Variants in TRAPPC9 observed in about 807,000 individuals in gnomAD.
The protein encoded by TRAPPC9 is trafficking protein particle complex subunit 9, also known as IKK2 binding protein.
Under a neutral mutation model 124.0 loss-of-function variants are expected in TRAPPC9, and 83 were observed. That is an observed-to-expected ratio of 0.67 (90% CI 0.56 to 0.80). The LOEUF is 0.80. TRAPPC9 is among the 30% of genes least tolerant of loss of function. TRAPPC9 has a pLI of 0.00. For missense variants in TRAPPC9, 1,302 were observed against 1,508.3 expected (o/e 0.86, Z 2.27); for synonymous variants, 638 against 617.5 (o/e 1.03, Z -0.49).
At chr8:140,084,471 C>T (rs1454520778) in intron 17 of TRAPPC9, among the ~76,000 whole-genome samples, 1 of 152,192 alleles carries the variant, frequency 6.6e-6, no homozygotes, top group Non-Finnish European at 1.5e-5. Context: ...TCAATAGTAG[C>T]CTATAGGATG....
intron 17 of TRAPPC9, among the ~76,000 whole-genome samples, chr8:140,047,453 G>GA (rs1301520811): frequency 1.3e-5 from 2 of 152,262 alleles, no homozygotes; most frequent in Non-Finnish European, 2.9e-5. Flanking sequence ...CCCACAGGGT[G>GA]AAAGGCGGGT....
chr8:140,179,679 A>G (rs1563822349), intron 17 of TRAPPC9, among the ~76,000 whole-genome samples: 1 of 152,098 alleles, frequency 6.6e-6, no homozygotes, highest in Non-Finnish European at 1.5e-5. Context: ...ATCTCCAACT[A>G]TAATTATGGA....
chr8:140,045,176 C>A (rs1447742502), intron 17 of TRAPPC9, among the ~76,000 whole-genome samples: 5 of 152,168 alleles, frequency 3.3e-5, no homozygotes, highest in African/African-American at 1.2e-4. Flanking sequence ...AGGTCAGACA[C>A]CAGTCCAGTA....
In TRAPPC9 at chr8:140,351,634, C is replaced by T. The variant is rs578001363; in HGVS notation, c.1495+8416G>A. 2.6e-5 allele frequency among the ~76,000 whole-genome samples: 4 copies of T among 152,224 alleles called. No homozygotes were observed. The South Asian group carries it at 8.3e-4, about 32-fold the overall frequency. On this transcript the variant is annotated intron_variant, in intron 9 of 22. Transcript: ENST00000438773. ...AAATAAAAATAAATAAATAAACAAA[C>T]TATATGGGAGGATGTGTATAAGTTA...
At chr8:140,458,383 C>T (rs748409138), upstream of TRAPPC9, 16 of 1,598,178 alleles carry the variant, frequency 1.0e-5, no homozygotes, top group East Asian at 2.7e-4. Flanking sequence ...CCCCCTGTGA[C>T]CCTCACGGTA....
intron 21 of TRAPPC9, among the ~76,000 whole-genome samples, chr8:139,744,685 A>T (rs959299868): frequency 6.6e-6 from 1 of 152,168 alleles, no homozygotes; most frequent in African/African-American, 2.4e-5. Flanking sequence ...TTTAACAGTT[A>T]CTGAGGGAGC....
intron 21 of TRAPPC9, among the ~76,000 whole-genome samples, chr8:139,791,141 C>T (rs937154411): frequency 6.6e-6 from 1 of 152,168 alleles, no homozygotes; most frequent in East Asian, 1.9e-4. Context: ...GGGGAGTGCA[C>T]AAGCCACGCT....
intron 21 of TRAPPC9, among the ~76,000 whole-genome samples, chr8:139,865,083 T>C (rs1587023404): frequency 6.6e-6 from 1 of 152,116 alleles, no homozygotes; most frequent in East Asian, 1.9e-4. Context: ...TTGCTGTGAT[T>C]AGGTGGCGGC....
chr8:140,027,104 T>C (rs937613764), intron 17 of TRAPPC9, among the ~76,000 whole-genome samples: 36 of 152,304 alleles, frequency 2.4e-4, no homozygotes, highest in Admixed American at 2.0e-3. Flanking sequence ...CTGACTTTCA[T>C]CTGTTTGATC....
intron 17 of TRAPPC9, among the ~76,000 whole-genome samples, chr8:140,209,315 A>ATGCTCTAG (rs2063001741): frequency 6.6e-6 from 1 of 152,184 alleles, no homozygotes; most frequent in Admixed American, 6.5e-5. Flanking sequence ...AGAACTGGGC[A>ATGCTCTAG]TGCTCTAGGT....
chr8:139,947,012 A>G (rs899102400), intron 19 of TRAPPC9, among the ~76,000 whole-genome samples: 10 of 151,986 alleles, frequency 6.6e-5, no homozygotes, highest in Admixed American at 3.3e-4. Context: ...ACAAAAAACC[A>G]AAAAAGGCCC....
chr8:139,904,650 T>C (rs1438049210), intron 20 of TRAPPC9: 1 of 152,218 alleles, frequency 6.6e-6, no homozygotes, highest in African/African-American at 2.4e-5. Context: ...AATTTACTTA[T>C]GTTTTGAAAG....
At chr8:140,402,677 C>G (rs1182342538) in intron 6 of TRAPPC9, among the ~76,000 whole-genome samples, 1 of 147,242 alleles carries the variant, frequency 6.8e-6, no homozygotes, top group Non-Finnish European at 1.5e-5. Flanking sequence ...GCCTGGGCAA[C>G]AGAACAAAAC....
chr8:140,430,582 C>A (rs1342471021), intron 4 of TRAPPC9, among the ~76,000 whole-genome samples: 1 of 152,236 alleles, frequency 6.6e-6, no homozygotes, highest in African/African-American at 2.4e-5. Context: ...AGATCTTGGA[C>A]ACACAGTAGT....
chr8:140,382,607 T>TG (rs1056720428), intron 7 of TRAPPC9, among the ~76,000 whole-genome samples: 5 of 152,120 alleles, frequency 3.3e-5, no homozygotes, highest in African/African-American at 1.2e-4. Context: ...GCAGTGAGGC[T>TG]GGGGGGAGGC....
chr8:139,880,067 A>G (rs1011924625), intron 21 of TRAPPC9, among the ~76,000 whole-genome samples: 1 of 152,182 alleles, frequency 6.6e-6, no homozygotes, highest in Non-Finnish European at 1.5e-5. Context: ...CTCTTTGTAT[A>G]TACACAGATA....
chr8:139,820,262 C>T (rs1825168667), intron 21 of TRAPPC9, among the ~76,000 whole-genome samples: 1 of 152,012 alleles, frequency 6.6e-6, no homozygotes, highest in Admixed American at 6.6e-5. Context: ...CTTACTGCAG[C>T]CTCTGCCTCT....
intron 19 of TRAPPC9, among the ~76,000 whole-genome samples, chr8:139,953,436 G>A (rs1007335173): frequency 6.6e-6 from 1 of 152,170 alleles, no homozygotes; most frequent in Non-Finnish European, 1.5e-5. Context: ...GAGTTGCAGT[G>A]AGCCGAGATC....
In TRAPPC9 at chr8:140,115,585, G is replaced by C. The variant is rs143200157; in HGVS notation, c.2557-91506C>G. ...CCTGGCCATTATACTCTATTTTTTT[G>C]GTTGTATTATTTTTTTTTCTCCAAA... is the stretch of plus-strand genomic sequence containing the variant. On this transcript the variant is annotated intron_variant, in intron 17 of 22. Transcript: ENST00000438773. Among the ~76,000 whole-genome samples, 71 of 151,658 alleles carry C rather than the reference G, an allele frequency of 4.7e-4. No individual in the cohort carries two copies. In the East Asian group the frequency reaches 0.013, roughly 28 times the overall value.
Sources: allele counts gnomAD v4.1 joint callset (sites outside exome capture counted in the v4.1 genomes callset), GRCh38; gene constraint gnomAD v4.1.1; transcripts MANE v1.5; gene names NCBI Gene and HGNC (gene_info 2026-07-23, HGNC 2026-07-21).